MED27: variants seen among roughly 807,000 people sequenced by gnomAD.
MED27 encodes the protein mediator of RNA polymerase II transcription subunit 27.
A neutral mutation model predicts 38.2 loss-of-function variants in MED27; 30 were observed. The ratio of observed to expected loss-of-function variants is 0.79; its 90% CI spans 0.59 to 1.07. MED27 has a LOEUF of 1.07. MED27 is among the 50% of genes least tolerant of loss of function. The probability of loss-of-function intolerance (pLI) is 0.00; values close to 1 mark genes in which losing one functional copy is unlikely to be tolerated. For synonymous variants in MED27, 122 were observed against 153.5 expected, an observed-to-expected ratio of 0.79 and a Z score of 1.52; for missense variants, 289 against 397.5, an observed-to-expected ratio of 0.73 and a Z score of 2.32.
intron 4 of MED27, among the ~76,000 whole-genome samples, chr9:131,908,579 C>T (rs966766521): frequency 6.6e-6 from 1 of 152,192 alleles, no homozygotes; most frequent in East Asian, 1.9e-4. Flanking sequence ...GACCTTACCC[C>T]CAACCCAGTG....
intron 2 of MED27, among the ~76,000 whole-genome samples, chr9:132,045,712 G>A (rs1350940780): frequency 6.6e-6 from 1 of 152,096 alleles, no homozygotes; most frequent in Non-Finnish European, 1.5e-5. Context: ...TTTGAGTTAC[G>A]GAACTCCAGT....
intron 3 of MED27, among the ~76,000 whole-genome samples, chr9:131,991,021 T>C (rs1004784085): frequency 1.1e-4 from 16 of 151,976 alleles, no homozygotes; most frequent in African/African-American, 3.9e-4. Context: ...TGCTAAAGAG[T>C]GGAGCATAGC....
chr9:131,915,476 A>AG (rs1475616649), intron 4 of MED27, among the ~76,000 whole-genome samples: 3 of 152,164 alleles, frequency 2.0e-5, no homozygotes, highest in Non-Finnish European at 4.4e-5. Flanking sequence ...CAAGATGGGG[A>AG]GGGGGAAAAG....
At chr9:131,970,272 G>A (rs1472959783) in intron 3 of MED27, among the ~76,000 whole-genome samples, 3 of 152,226 alleles carry the variant, frequency 2.0e-5, no homozygotes, top group Admixed American at 6.5e-5. Context: ...AAACAAAGCC[G>A]GCGGGACGCC....
chr9:131,992,158 C>T (rs959978666), intron 3 of MED27, among the ~76,000 whole-genome samples: 5 of 152,212 alleles, frequency 3.3e-5, no homozygotes, highest in African/African-American at 4.8e-5. Context: ...TGTCCTTCCA[C>T]GTGTAAGAAA....
At chr9:132,019,465 T>C (rs1759147227) in intron 2 of MED27, among the ~76,000 whole-genome samples, 1 of 152,194 alleles carries the variant, frequency 6.6e-6, no homozygotes, top group African/African-American at 2.4e-5. Context: ...TTTCCTCTTA[T>C]TCCAGTTGCC....
Position 131,913,005 on chromosome 9 carries a change from A to C in MED27, c.574-19013T>G, listed in dbSNP as rs1445115033. 6.6e-6 allele frequency among the ~76,000 whole-genome samples: 1 copy of C among 152,248 alleles called. No homozygotes were observed. Among genetic ancestry groups the C allele is most frequent in the Admixed American group, 6.5e-5 (1 of 15,286 alleles). On this transcript the variant is annotated intron_variant, in intron 4 of 7. Coordinates refer to ENST00000292035, the MANE Select transcript of MED27 (RefSeq NM_004269.4). This position sits in a 1 kb window ranked among gnomAD's most constrained non-coding sequence, Gnocchi z 4.5. ...CCTCTCTCCCTTTGAGGGTAGGTAC[A>C]ATCTACATATAAGTCCCAACTGCAC...
At chr9:131,931,835 A>G (rs1159794976) in intron 4 of MED27, among the ~76,000 whole-genome samples, 6 of 152,214 alleles carry the variant, frequency 3.9e-5, no homozygotes, top group Non-Finnish European at 8.8e-5. Flanking sequence ...ACAACCAACA[A>G]TGGAACACTT....
At chr9:132,066,080 C>A (rs1833803286) in intron 2 of MED27, among the ~76,000 whole-genome samples, 1 of 152,194 alleles carries the variant, frequency 6.6e-6, no homozygotes, top group Admixed American at 6.5e-5. Context: ...TGCATGCCTG[C>A]TCTGTACTCA....
At chr9:131,876,764 G>T (rs759392956) in intron 6 of MED27, among the ~76,000 whole-genome samples, 1 of 152,058 alleles carries the variant, frequency 6.6e-6, no homozygotes, top group Admixed American at 6.6e-5. Flanking sequence ...GCCCACTAGC[G>T]GGCTCACGCA....
At chr9:131,993,331 A>C (rs1229527718) in intron 3 of MED27, among the ~76,000 whole-genome samples, 1 of 152,140 alleles carries the variant, frequency 6.6e-6, no homozygotes, top group Non-Finnish European at 1.5e-5. Flanking sequence ...GGGAGAAATG[A>C]ATACAGGTAT....
chr9:131,914,767 G>A (rs945809878), intron 4 of MED27, among the ~76,000 whole-genome samples: 5 of 152,258 alleles, frequency 3.3e-5, no homozygotes, highest in Non-Finnish European at 7.3e-5. Context: ...GGGTGCAAGG[G>A]TGGAGGCAGA....
chr9:131,915,959 G>A (rs1369574417), intron 4 of MED27, among the ~76,000 whole-genome samples: 1 of 152,168 alleles, frequency 6.6e-6, no homozygotes, highest in African/African-American at 2.4e-5. Context: ...TACTATTCCT[G>A]TAACTACATG....
At chr9:131,867,431 G>C (rs760641163) in intron 6 of MED27, among the ~76,000 whole-genome samples, 5 of 152,230 alleles carry the variant, frequency 3.3e-5, no homozygotes, top group Non-Finnish European at 5.9e-5. Context: ...GAGTTGTGCA[G>C]AACTACAGGA....
chr9:131,938,235 T>C (rs1040473719), intron 4 of MED27, among the ~76,000 whole-genome samples: 1 of 152,092 alleles, frequency 6.6e-6, no homozygotes, highest in Non-Finnish European at 1.5e-5. Context: ...TTCACACAAG[T>C]AAAATGCTAA....
chr9:131,928,582 T>C (rs985001135), intron 4 of MED27, among the ~76,000 whole-genome samples: 6 of 152,156 alleles, frequency 3.9e-5, no homozygotes, highest in Non-Finnish European at 7.3e-5. Flanking sequence ...ACTGGGGGAC[T>C]TGCCATTGAA....
chr9:131,971,585 A>C (rs543490551), intron 3 of MED27, among the ~76,000 whole-genome samples: 1 of 152,336 alleles, frequency 6.6e-6, no homozygotes, highest in African/African-American at 2.4e-5. Flanking sequence ...TCCAGTGAGG[A>C]GACCTTGGCC....
chr9:131,949,841 G>A (rs960269256), intron 3 of MED27, among the ~76,000 whole-genome samples: 15 of 152,236 alleles, frequency 9.9e-5, no homozygotes, highest in African/African-American at 3.1e-4. Context: ...CAGGTTAAAC[G>A]TCCTGAAGTT....
chr9:131,906,386 C>T (rs1029158164), intron 4 of MED27, among the ~76,000 whole-genome samples: 4 of 152,208 alleles, frequency 2.6e-5, no homozygotes, highest in Non-Finnish European at 4.4e-5. Context: ...TGCCCAGTGC[C>T]GGAGCAGAGC....
Sources: gnomAD v4.1 joint callset for allele counts (sites outside exome capture counted in the v4.1 genomes callset) on GRCh38, gnomAD v4.1.1 for gene constraint, Gnocchi (gnomAD v3.1) non-coding constraint, MANE v1.5 for transcripts, NCBI Gene and HGNC (gene_info 2026-07-23, HGNC 2026-07-21) for gene names.